The following RABGAP1 variants were observed in gnomAD, a reference collection of about 807,000 sequenced individuals.
The protein encoded by RABGAP1 is rab GTPase-activating protein 1.
In RABGAP1, 23 loss-of-function variants were observed where a neutral mutation model predicts 137.6. The ratio of observed to expected loss-of-function variants is 0.17; its 90% CI spans 0.12 to 0.24. RABGAP1 has a LOEUF of 0.24. RABGAP1 is among the 10% of genes least tolerant of loss of function. The pLI, the probability that RABGAP1 is intolerant of heterozygous loss-of-function variation, is 1.00. For missense variants in RABGAP1, 906 were observed against 1,275.8 expected, an observed-to-expected ratio of 0.71 and a Z score of 4.42; for synonymous variants, 451 against 450.7, an observed-to-expected ratio of 1.00 and a Z score of -0.01.
the RABGAP1 span, among the ~76,000 whole-genome samples, chr9:122,934,606 G>T: frequency 6.6e-6 from 1 of 152,020 alleles, no homozygotes; most frequent in Non-Finnish European, 1.5e-5. Context: ...AGCTCAAGTG[G>T]TCTTCTCGCC....
upstream of RABGAP1, chr9:122,938,476 T>C (rs1833425890): frequency 6.6e-6 from 1 of 152,226 alleles, no homozygotes; most frequent in Non-Finnish European, 1.5e-5. Context: ...GAAAAAAAGT[T>C]GAGCATATTT....
At chr9:122,959,699 TGAA>T (rs1348519881) in intron 2 of RABGAP1, among the ~76,000 whole-genome samples, 6 of 152,196 alleles carry the variant, frequency 3.9e-5, no homozygotes, top group Non-Finnish European at 8.8e-5. Context: ...ATTGGTGCAG[TGAA>T]GAAGACAAGA....
At chr9:122,956,921 A>G in intron 1 of RABGAP1, 90 bp from the exon 2 acceptor site, 1 of 669,226 alleles carries the variant, frequency 1.5e-6, no homozygotes, top group Non-Finnish European at 2.1e-6. Context: ...ATTTAAAAAA[A>G]AATTCTGAAT....
chr9:123,088,556 C>T (rs1329151314), intron 19 of RABGAP1, among the ~76,000 whole-genome samples: 3 of 152,074 alleles, frequency 2.0e-5, no homozygotes, highest in Admixed American at 6.6e-5. Context: ...GGTGTGGTGT[C>T]GTGTGCCTGT....
Position 123,104,417 on chromosome 9 carries a change from TAAAA to T in RABGAP1, c.*1215_*1218del, listed in dbSNP as rs57696888. The stretch of plus-strand genomic sequence containing the variant: ...GCTATGGAATGGATTTTAGCACCTT[TAAAA>T]AAAAAAAAAACTTTGACTTTTAATT... On this transcript the variant is annotated 3_prime_UTR_variant, in exon 26 of 26. Transcript: ENST00000373647. 1 of 146,442 alleles carries T rather than the reference TAAAA, an allele frequency of 6.8e-6. No homozygotes were observed. The highest frequency in any genetic ancestry group is 2.5e-5 in the African/African-American group (1 of 39,802). The allele number at this position is 146,442 out of a possible 1,614,324, so 9.1% of individuals were successfully genotyped here. A position where few individuals can be genotyped will look rare whatever the true frequency, so the allele number is the denominator to read the frequency against.
In RABGAP1 at chr9:122,971,454, G is replaced by T. The variant is rs189257129; in HGVS notation, c.151-13031G>T. Among the ~76,000 whole-genome samples, 10 of 152,238 alleles carry T rather than the reference G, an allele frequency of 6.6e-5. No homozygotes were observed. The East Asian group carries it at 1.2e-3, about 18-fold the overall frequency. On this transcript the variant is annotated intron_variant, in intron 2 of 25. Transcript: ENST00000373647. ...TCCAAAATTTACAAATATATACAAAGAATTATTTATTATGAGCAAGTTAGC... is the reference window on the plus strand; with the variant it reads ...TCCAAAATTTACAAATATATACAAATAATTATTTATTATGAGCAAGTTAGC...
At chr9:122,957,518 C>T (rs905509031) in intron 2 of RABGAP1, among the ~76,000 whole-genome samples, 1 of 151,814 alleles carries the variant, frequency 6.6e-6, no homozygotes, top group Admixed American at 6.6e-5. Flanking sequence ...TTGTTTGGTC[C>T]TGGTTTACAT....
intron 3 of RABGAP1, among the ~76,000 whole-genome samples, chr9:122,985,494 C>T (rs1836320348): frequency 6.6e-6 from 1 of 151,406 alleles, no homozygotes; most frequent in Non-Finnish European, 1.5e-5. Context: ...CACCTGTAGT[C>T]ACAGCTACTT....
intron 13 of RABGAP1, chr9:123,035,446 A>C (rs1237353861): frequency 3.1e-6 from 5 of 1,613,992 alleles, no homozygotes; most frequent in African/African-American, 1.3e-5. Context: ...CTGGCTTGCT[A>C]TTAGTAACAG....
intron 13 of RABGAP1, among the ~76,000 whole-genome samples, chr9:123,028,508 G>T (rs13283597): frequency 6.6e-6 from 1 of 152,210 alleles, no homozygotes; most frequent in Non-Finnish European, 1.5e-5. Flanking sequence ...TTAGCCAGGG[G>T]TTGGATAGTT....
chr9:123,030,748 T>C (rs1374997657), intron 13 of RABGAP1, among the ~76,000 whole-genome samples: 1 of 152,210 alleles, frequency 6.6e-6, no homozygotes, highest in African/African-American at 2.4e-5. Context: ...TTAACTATAG[T>C]CTTCCTAGAG....
intron 13 of RABGAP1, among the ~76,000 whole-genome samples, chr9:123,028,933 A>G (rs564712746): frequency 6.6e-6 from 1 of 152,340 alleles, no homozygotes; most frequent in Non-Finnish European, 1.5e-5. Context: ...CATAGTCCAT[A>G]CTAAGTGTAA....
intron 2 of RABGAP1, among the ~76,000 whole-genome samples, chr9:122,962,682 G>T (rs762697896): frequency 6.6e-6 from 1 of 151,938 alleles, no homozygotes; most frequent in Non-Finnish European, 1.5e-5. Flanking sequence ...GCACAAAAAA[G>T]ATAAGAGACA....
intron 13 of RABGAP1, among the ~76,000 whole-genome samples, chr9:123,058,820 G>A (rs938197556): frequency 6.6e-5 from 10 of 152,192 alleles, no homozygotes; most frequent in African/African-American, 2.4e-4. Context: ...GGTTTAATTT[G>A]TTAACTGGGA....
At chr9:122,971,374 C>T (rs1835464215) in intron 2 of RABGAP1, among the ~76,000 whole-genome samples, 2 of 152,084 alleles carry the variant, frequency 1.3e-5, no homozygotes, top group African/African-American at 4.8e-5. Context: ...AACATACTTG[C>T]CACTCAGGCT....
chr9:123,070,472 C>A lies in RABGAP1; in HGVS notation c.1983+48C>A. 2 of 1,613,068 alleles carry A rather than the reference C, an allele frequency of 1.2e-6. No individual in the cohort carries two copies. The highest frequency in any genetic ancestry group is 1.7e-6 in the Non-Finnish European group (2 of 1,179,540). ...TGACTTAACACATGGCCTCCCTCAG[C>A]TTATACTAACCTTAGGCTTGAGCAT... is the stretch of plus-strand genomic sequence containing the variant. On this transcript the variant is annotated intron_variant, in intron 15 of 25. Transcript: ENST00000373647. This position sits in a 1 kb window ranked among gnomAD's most constrained non-coding sequence, Gnocchi z 4.4.
At chr9:123,086,598 G>A (rs2034873508) in intron 19 of RABGAP1, among the ~76,000 whole-genome samples, 1 of 151,862 alleles carries the variant, frequency 6.6e-6, no homozygotes, top group East Asian at 1.9e-4. Context: ...GGTTTGGTAT[G>A]CAGCCACCCA....
At chr9:122,947,214 A>G (rs574101184) in intron 1 of RABGAP1, among the ~76,000 whole-genome samples, 23 of 152,364 alleles carry the variant, frequency 1.5e-4, no homozygotes, top group Middle Eastern at 3.4e-3. Context: ...GAAGACTTAT[A>G]CTAAATGAAA....
chr9:122,955,419 G>A (rs1834459991), intron 1 of RABGAP1, among the ~76,000 whole-genome samples: 1 of 152,164 alleles, frequency 6.6e-6, no homozygotes, highest in Admixed American at 6.5e-5. Flanking sequence ...TTTTTCAAAA[G>A]TACAATTTGA....
Sources: allele counts gnomAD v4.1 joint callset (sites outside exome capture counted in the v4.1 genomes callset), GRCh38; gene constraint gnomAD v4.1.1; non-coding constraint Gnocchi (gnomAD v3.1); transcripts MANE v1.5; gene names NCBI Gene and HGNC (gene_info 2026-07-23, HGNC 2026-07-21).